Variants in KIAA0319 observed in about 807,000 individuals in gnomAD.
The protein encoded by KIAA0319 is KIAA0319.
Under a neutral mutation model 108.4 loss-of-function variants are expected in KIAA0319, and 83 were observed. That is an observed-to-expected ratio of 0.77 (90% CI 0.64 to 0.92). The LOEUF (loss-of-function observed/expected upper bound fraction) is 0.92. Among genes scored for constraint, KIAA0319 ranks in the 40% least tolerant of loss-of-function variants. KIAA0319 has a pLI of 0.00. For synonymous variants in KIAA0319, 484 were observed against 510.4 expected, an observed-to-expected ratio of 0.95 and a Z score of 0.70; for missense variants, 1,195 against 1,322.4, an observed-to-expected ratio of 0.90 and a Z score of 1.49.
At chr6:24,575,430 G>C (rs536251241) in intron 10 of KIAA0319, among the ~76,000 whole-genome samples, 1 of 151,738 alleles carries the variant, frequency 6.6e-6, no homozygotes, top group Non-Finnish European at 1.5e-5. Flanking sequence ...TATCCAACCC[G>C]CCTCTGAATC....
In KIAA0319 at chr6:24,555,496, CAAAAAAAAAAAA is replaced by C. The variant is rs34005198; in HGVS notation, c.2858-877_2858-866del. 8.7e-5 allele frequency among the ~76,000 whole-genome samples: 7 copies of C among 80,892 alleles called. No homozygotes were observed. The South Asian group carries it at 2.5e-3, about 29-fold the overall frequency. The allele number at this position is 80,892 out of a possible 152,430, so 53.1% of individuals were successfully genotyped here. A position where few individuals can be genotyped will look rare whatever the true frequency, so the allele number is the denominator to read the frequency against. ...TGGGTGACAGAGCAAGACTCCATCT[CAAAAAAAAAAAA>C]AAAAAAAAAAAGGTTTAACTTTATT... is the stretch of plus-strand genomic sequence containing the variant. On this transcript the variant is annotated intron_variant, in intron 18 of 20. Transcript: ENST00000378214.
intron 15 of KIAA0319, among the ~76,000 whole-genome samples, 178 bp from the exon 16 acceptor site, chr6:24,563,696 C>T (rs1369716839): frequency 6.6e-6 from 1 of 152,202 alleles, no homozygotes; most frequent in Non-Finnish European, 1.5e-5. Context: ...AGTACTTTCC[C>T]TTGTTTTATC....
chr6:24,607,670 T>G (rs765791100), intron 1 of KIAA0319, among the ~76,000 whole-genome samples: 2 of 152,216 alleles, frequency 1.3e-5, no homozygotes, highest in Non-Finnish European at 2.9e-5. Flanking sequence ...ATATTTTCTC[T>G]TCAACTAAAT....
At chr6:24,553,338 C>T (rs1490904714) in intron 19 of KIAA0319, among the ~76,000 whole-genome samples, 1,801 of 56,004 alleles carry the variant, frequency 0.032, 21 homozygotes, top group Non-Finnish European at 0.057. Context: ...CACACACACG[C>T]ACATATATAT....
chr6:24,567,635 A>T (rs1764086563), intron 13 of KIAA0319, among the ~76,000 whole-genome samples: 1 of 152,198 alleles, frequency 6.6e-6, no homozygotes, highest in South Asian at 2.1e-4. Context: ...CAGGAGTTTG[A>T]GGCTGCAATG....
chr6:24,598,540 C>A, intron 2 of KIAA0319: 4 of 438,936 alleles, frequency 9.1e-6, no homozygotes, highest in South Asian at 7.4e-5. Context: ...CACACCAGGG[C>A]TGGTGGAGGA....
chr6:24,644,952 CAAAAT>C (rs1562133274), intron 1 of KIAA0319, among the ~76,000 whole-genome samples: 3 of 152,186 alleles, frequency 2.0e-5, no homozygotes, highest in Admixed American at 2.0e-4. Flanking sequence ...AAAAAAAGCA[CAAAAT>C]AAAAGTTTAG....
chr6:24,571,259 G>C (rs1219510376), intron 11 of KIAA0319, among the ~76,000 whole-genome samples: 1 of 150,594 alleles, frequency 6.6e-6, no homozygotes, highest in Admixed American at 6.6e-5. Flanking sequence ...CCAAAAAAAA[G>C]GGCCAGGTGT....
At chr6:24,569,777 GA>G (rs1764420308) in intron 12 of KIAA0319, 125 bp downstream of exon 12, 3 of 1,118,066 alleles carry the variant, frequency 2.7e-6, no homozygotes, top group Middle Eastern at 2.1e-4. Context: ...GCCACTTCTA[GA>G]AACGTGCTTA....
At chr6:24,550,552 G>A (rs537710260) in intron 20 of KIAA0319, among the ~76,000 whole-genome samples, 1 of 152,338 alleles carries the variant, frequency 6.6e-6, no homozygotes, top group South Asian at 2.1e-4. Context: ...CCTAAGCATA[G>A]GGATCAATAC....
chr6:24,559,148 T>G lies in KIAA0319; in HGVS notation c.2599A>C (p.Ile867Leu), dbSNP rs1426028507. Residue 867 changes from isoleucine (I) to leucine (L), a missense_variant, in exon 17 of 21, where the codon ATT (isoleucine) becomes CTT (leucine). Physicochemically the swap from Ile to Leu is conservative, Grantham distance 5. Transcript: ENST00000378214. ...GGCCTGCTCTGTACATAAAACACAA[T>G]CACGGTGCTGTGGAGGAGACAATGA... is the stretch of plus-strand genomic sequence containing the variant. ...IRAHSDLSTV[I>L]VFYVQSRPPF... The G allele has an allele frequency of 1.2e-6, 2 of 1,612,774 alleles. No homozygotes were observed. Among genetic ancestry groups the G allele is most frequent in the African/African-American group, 2.7e-5 (2 of 74,956 alleles).
rs1440105325 is a variant in KIAA0319 at position 24,596,391 on chromosome 6, G to A, written c.283C>T (p.Pro95Ser). 6.2e-7 allele frequency: 1 copy of A among 1,614,188 alleles called. No homozygotes were observed. Among genetic ancestry groups the A allele is most frequent in the Non-Finnish European group, 8.5e-7 (1 of 1,180,026 alleles). ...KENCEPKKMGPIRSYLTFVLR... is the reference protein window; with the variant it reads ...KENCEPKKMGSIRSYLTFVLR... Reference sequence around the variant, plus strand: ...ACAAAAGTGAGATAAGACCTGATGGGGCCCATCTTCTTGGGCTCACAGTTC... The same window carrying A: ...ACAAAAGTGAGATAAGACCTGATGGAGCCCATCTTCTTGGGCTCACAGTTC... Residue 95 changes from proline to serine, a missense_variant, in exon 3 of 21, where the codon CCC becomes TCC. Physicochemically the swap from Pro to Ser is moderately conservative, Grantham distance 74. Transcript: ENST00000378214.
chr6:24,628,180 A>G (rs935897357), intron 1 of KIAA0319, among the ~76,000 whole-genome samples: 4 of 152,198 alleles, frequency 2.6e-5, no homozygotes, highest in South Asian at 2.1e-4. Flanking sequence ...AACTTCCTAA[A>G]TAAGTAAATT....
intron 2 of KIAA0319, 107 bp from the exon 3 acceptor site, chr6:24,596,725 G>A (rs1423043720): frequency 3.0e-6 from 3 of 995,686 alleles, no homozygotes; most frequent in Non-Finnish European, 4.4e-6. Flanking sequence ...GGCCAGTCTG[G>A]CAAGCAAATA....
At chr6:24,566,790 A>T (rs774827102) in intron 13 of KIAA0319, 42 bp from the exon 14 acceptor site, 11 of 1,541,262 alleles carry the variant, frequency 7.1e-6, no homozygotes, top group Non-Finnish European at 8.9e-6. Flanking sequence ...AGATTGATTT[A>T]AAACACCAGT....
chr6:24,572,684 T>C lies in KIAA0319; in HGVS notation c.1749A>G (p.Pro583=). Residue 583 remains proline, a synonymous_variant, in exon 11 of 21, where the codon CCA becomes CCG. Transcript: ENST00000378214. ...KHVVMQGVQT[P]YLHLSAMQEG... ...CCTGCATTGCAGATAAATGAAGGTA[T>C]GGCGTCTGTACTCCCTAAGTAATAG... 1.9e-6 allele frequency: 3 copies of C among 1,612,776 alleles called. No individual in the cohort carries two copies. The highest frequency in any genetic ancestry group is 2.5e-6 in the Non-Finnish European group (3 of 1,179,568).
intron 1 of KIAA0319, among the ~76,000 whole-genome samples, chr6:24,612,047 CAA>C (rs35491702): frequency 1.2e-3 from 158 of 132,848 alleles, no homozygotes; most frequent in Middle Eastern, 7.8e-3. Flanking sequence ...GACTTTGTTT[CAA>C]AAAAAAAAAA....
chr6:24,549,564 G>A (rs188920032), intron 20 of KIAA0319, among the ~76,000 whole-genome samples: 2 of 152,236 alleles, frequency 1.3e-5, no homozygotes, highest in East Asian at 3.9e-4. Context: ...TAGAGGAAGA[G>A]CCCAGCCTCC....
intron 9 of KIAA0319, among the ~76,000 whole-genome samples, chr6:24,577,674 C>G (rs1318523311): frequency 6.6e-6 from 1 of 152,174 alleles, no homozygotes; most frequent in African/African-American, 2.4e-5. Context: ...GAGCTTCCTT[C>G]CACACTATCC....
Sources: gnomAD v4.1 joint callset for allele counts (sites outside exome capture counted in the v4.1 genomes callset) on GRCh38, gnomAD v4.1.1 for gene constraint, MANE v1.5 for transcripts, NCBI Gene and HGNC (gene_info 2026-07-23, HGNC 2026-07-21) for gene names.